The following ATAD3C variants were observed in gnomAD, a reference collection of about 807,000 sequenced individuals.
The protein encoded by ATAD3C is ATPase family AAA domain containing 3C.
A neutral mutation model predicts 46.3 loss-of-function variants in ATAD3C; 38 were observed. The ratio of observed to expected loss-of-function variants is 0.82; its 90% CI spans 0.63 to 1.08. The LOEUF (loss-of-function observed/expected upper bound fraction) is 1.08, where lower values mean the gene tolerates loss of function less well. Among genes scored for constraint, ATAD3C ranks in the 50% least tolerant of loss-of-function variants. The pLI is 0.00. For synonymous variants in ATAD3C, 220 were observed against 236.4 expected (o/e 0.93, Z 0.63); for missense variants, 563 against 572.7 (o/e 0.98, Z 0.17).
At chr1:1,455,650 G>C in intron 5 of ATAD3C, 131 bp downstream of exon 5, 5 of 1,560,902 alleles carry the variant, frequency 3.2e-6, no homozygotes, top group Admixed American at 3.7e-5. Flanking sequence ...TGCTTGGACC[G>C]TGCCGGGGAT....
intron 7 of ATAD3C, 114 bp from the exon 8 acceptor site, chr1:1,457,015 G>C (rs1413339732): frequency 1.1e-5 from 16 of 1,454,910 alleles, no homozygotes; most frequent in African/African-American, 2.8e-5. Context: ...CCGTGGGGCA[G>C]AGCCTGACCC....
chr1:1,466,205 G>C (rs2100491813), intron 11 of ATAD3C, among the ~76,000 whole-genome samples: 2 of 145,280 alleles, frequency 1.4e-5, no homozygotes, highest in Middle Eastern at 7.3e-3. Flanking sequence ...TCCTGCCATT[G>C]CACCCCAGCC....
At chr1:1,452,198 C>A in intron 2 of ATAD3C, 76 bp downstream of exon 2, 1 of 1,588,056 alleles carries the variant, frequency 6.3e-7, no homozygotes, top group South Asian at 1.1e-5. Flanking sequence ...AGGGTGCTCT[C>A]CAGCTCTCCC....
chr1:1,463,130 C>T (rs916492139), intron 11 of ATAD3C, among the ~76,000 whole-genome samples: 12 of 152,140 alleles, frequency 7.9e-5, no homozygotes, highest in East Asian at 1.9e-4. Context: ...TCCTGCTTGA[C>T]GGGCCCAGAC....
intron 1 of ATAD3C, 120 bp downstream of exon 1, chr1:1,450,878 C>T: frequency 1.4e-6 from 2 of 1,460,756 alleles, no homozygotes; most frequent in Non-Finnish European, 1.9e-6. Flanking sequence ...CAGTGGGGCC[C>T]AGGGCCAAGC....
intron 2 of ATAD3C, 38 bp downstream of exon 2, chr1:1,452,160 G>A: frequency 1.2e-6 from 2 of 1,608,840 alleles, no homozygotes; most frequent in Non-Finnish European, 1.7e-6. Context: ...CGCAGATGGA[G>A]CCCCCACAGG....
intron 11 of ATAD3C, among the ~76,000 whole-genome samples, chr1:1,465,363 G>A (rs1415054704): frequency 4.6e-5 from 7 of 151,148 alleles, no homozygotes; most frequent in Admixed American, 2.0e-4. Context: ...AGGCTGAGGT[G>A]GGTGGATCAC....
chr1:1,452,514 C>T, intron 3 of ATAD3C, 80 bp downstream of exon 3: 2 of 1,602,612 alleles, frequency 1.2e-6, no homozygotes, highest in Non-Finnish European at 1.7e-6. Context: ...AGGTCCTATC[C>T]CTGCTGGCTC....
intron 3 of ATAD3C, among the ~76,000 whole-genome samples, chr1:1,453,527 G>T (rs1357438234): frequency 6.6e-6 from 1 of 151,982 alleles, no homozygotes; most frequent in African/African-American, 2.4e-5. Flanking sequence ...AGTAGGGGTG[G>T]GGTTTTACCA....
intron 3 of ATAD3C, among the ~76,000 whole-genome samples, chr1:1,453,975 T>G (rs182472729): frequency 1.3e-5 from 2 of 152,136 alleles, no homozygotes; most frequent in African/African-American, 4.8e-5. Context: ...TTAGAGATTT[T>G]GGGTTAGTCT....
chr1:1,468,977 T>A lies in ATAD3C; in HGVS notation c.*447T>A, dbSNP rs1639194908. The A allele has an allele frequency of 5.4e-6, 1 of 184,670 alleles. No individual in the cohort carries two copies. Among genetic ancestry groups the A allele is most frequent in the Non-Finnish European group, 1.1e-5 (1 of 89,418 alleles). The allele number at this position is 184,670 out of a possible 1,614,324, so 11.4% of individuals were successfully genotyped here. A position where few individuals can be genotyped will look rare whatever the true frequency, so the allele number is the denominator to read the frequency against. On this transcript the variant is annotated 3_prime_UTR_variant, in exon 12 of 12. Transcript: ENST00000378785. ...GCTTTGCAGCTAGTCCCTGCAAACC[T>A]TGATGATGGGGCTGGGCGCGGTGGC...
intron 10 of ATAD3C, 149 bp downstream of exon 10, chr1:1,461,066 C>A: frequency 2.8e-6 from 3 of 1,061,654 alleles, no homozygotes; most frequent in Non-Finnish European, 3.8e-6. Context: ...CCCTGTGGGC[C>A]CCAAGGGTCC....
Position 1,452,082 on chromosome 1 carries a change from T to A in ATAD3C, c.112T>A (p.Ser38Thr). The change falls in exon 2 of 12, where the codon TCC (serine) becomes ACC (threonine). Residue 38 changes from serine to threonine, a missense_variant. Around this residue, in one of 3 missense-constraint regions of ATAD3C, gnomAD observed 263 missense variants for 243.1 expected, o/e 1.08. Coordinates refer to ENST00000378785, the MANE Select transcript of ATAD3C (RefSeq NM_001039211.3). Reference sequence around the variant, plus strand: ...TGAGGATTTACGGAAGCAGGAGGAGTCCGTGCAGAAGCACCATCAGACCTT... The same window carrying A: ...TGAGGATTTACGGAAGCAGGAGGAGACCGTGCAGAAGCACCATCAGACCTT... ...VNEDLRKQEE[S>T]VQKHHQTFLE... 1 of 1,613,474 alleles carries A rather than the reference T, an allele frequency of 6.2e-7. No homozygotes were observed. Among genetic ancestry groups the A allele is most frequent in the Non-Finnish European group, 8.5e-7 (1 of 1,179,616 alleles).
intron 8 of ATAD3C, among the ~76,000 whole-genome samples, chr1:1,457,595 CAA>C (rs777757826): frequency 2.2e-4 from 8 of 36,462 alleles, no homozygotes; most frequent in African/African-American, 2.7e-4. Context: ...GACTTCATCT[CAA>C]AAAAAAAAAA....
At chr1:1,460,655 A>G (rs1242504358) in intron 9 of ATAD3C, 95 bp from the exon 10 acceptor site, 4 of 1,434,224 alleles carry the variant, frequency 2.8e-6, no homozygotes, top group Non-Finnish European at 3.7e-6. Context: ...AGATTCTCCC[A>G]GAAAGTCTTC....
chr1:1,453,289 G>A (rs1163672429), intron 3 of ATAD3C, among the ~76,000 whole-genome samples: 5 of 152,074 alleles, frequency 3.3e-5, no homozygotes, highest in South Asian at 2.1e-4. Context: ...TGCAACCTGC[G>A]CCTCCCGGGT....
At chr1:1,454,246 C>T (rs935460025) in intron 3 of ATAD3C, 99 bp from the exon 4 acceptor site, 2 of 1,480,200 alleles carry the variant, frequency 1.4e-6, no homozygotes, top group African/African-American at 2.8e-5. Flanking sequence ...TGTGCTTCTC[C>T]CTCAGGCGGA....
Position 1,459,189 on chromosome 1 carries a change from C to G in ATAD3C, c.770C>G (p.Thr257Arg). The G allele has an allele frequency of 6.2e-7, 1 of 1,612,698 alleles. No homozygotes were observed. The highest frequency in any genetic ancestry group is 8.5e-7 in the Non-Finnish European group (1 of 1,179,596). ...TEKISEDLRATLNAFLYRTGQ... is the reference protein window; with the variant it reads ...TEKISEDLRARLNAFLYRTGQ... ...AAGATAAGCGAGGACCTCAGGGCCA[C>G]ACTGAACGCCTTCCTGTACCGCACG... Residue 257 changes from threonine (T) to arginine (R), a missense_variant, in exon 9 of 12, where the codon ACA becomes AGA. Thr to Arg is a moderately conservative substitution (Grantham distance 71, BLOSUM62 -1). This residue lies in a region of ATAD3C where 273 missense variants were observed against 253.5 expected (regional missense o/e 1.08). Transcript: ENST00000378785. This position sits in a 1 kb window ranked among gnomAD's most constrained non-coding sequence, Gnocchi z 4.9.
At chr1:1,451,090 G>C (rs1055509510) in intron 1 of ATAD3C, among the ~76,000 whole-genome samples, 9 of 151,632 alleles carry the variant, frequency 5.9e-5, no homozygotes, top group Admixed American at 5.3e-4. Flanking sequence ...GCCCAGGCTG[G>C]AGTGCAGTGG....
Sources: gnomAD v4.1 joint callset for allele counts (sites outside exome capture counted in the v4.1 genomes callset) on GRCh38, gnomAD v4.1.1 for gene constraint, gnomAD v4.1.1 regional missense constraint, Gnocchi (gnomAD v3.1) non-coding constraint, MANE v1.5 for transcripts, NCBI Gene and HGNC (gene_info 2026-07-23, HGNC 2026-07-21) for gene names.